Variants in AGBL4 observed in about 807,000 individuals in gnomAD.
AGBL4 encodes the protein AGBL carboxypeptidase 4.
A neutral mutation model predicts 66.4 loss-of-function variants in AGBL4; 58 were observed. That is an observed-to-expected ratio of 0.87 (90% CI 0.71 to 1.09). The LOEUF is 1.09. AGBL4 is among the 50% of genes least tolerant of loss of function. The pLI, the probability that AGBL4 is intolerant of heterozygous loss-of-function variation, is 0.00. For synonymous variants in AGBL4, 234 were observed against 222.9 expected, an observed-to-expected ratio of 1.05 and a Z score of -0.44; for missense variants, 579 against 631.0, an observed-to-expected ratio of 0.92 and a Z score of 0.88.
chr1:49,164,336 C>G (rs1646593565), intron 4 of AGBL4, among the ~76,000 whole-genome samples: 1 of 152,012 alleles, frequency 6.6e-6, no homozygotes, highest in African/African-American at 2.4e-5. Flanking sequence ...AGCATACCTC[C>G]CAAGTATTCA....
In AGBL4 at chr1:49,038,180, C is replaced by T. The variant is rs1279923211; in HGVS notation, c.594+7404G>A. 2.0e-5 allele frequency among the ~76,000 whole-genome samples: 3 copies of T among 152,062 alleles called. No homozygotes were observed. The East Asian group carries it at 5.8e-4, about 29-fold the overall frequency. ...CTGAATCCTCAGAGTCTAGATAATGCTAGTTACATGGTAGGTATTTAATAA... is the reference window on the plus strand; with the variant it reads ...CTGAATCCTCAGAGTCTAGATAATGTTAGTTACATGGTAGGTATTTAATAA... On this transcript the variant is annotated intron_variant, in intron 5 of 13. Coordinates refer to ENST00000371839, the MANE Select transcript of AGBL4 (RefSeq NM_032785.4).
chr1:48,888,419 C>T (rs1428427439), intron 5 of AGBL4, among the ~76,000 whole-genome samples: 1 of 152,140 alleles, frequency 6.6e-6, no homozygotes, highest in South Asian at 2.1e-4. Flanking sequence ...TCACCCACTT[C>T]CTCTGCGCCA....
At chr1:49,728,769 G>C (rs956418905) in intron 2 of AGBL4, among the ~76,000 whole-genome samples, 2 of 152,148 alleles carry the variant, frequency 1.3e-5, no homozygotes, top group Non-Finnish European at 2.9e-5. Context: ...AGGAATAACT[G>C]AGTTGCCAGC....
chr1:48,729,336 G>A (rs1647717768), intron 6 of AGBL4, among the ~76,000 whole-genome samples: 1 of 152,204 alleles, frequency 6.6e-6, no homozygotes, highest in Non-Finnish European at 1.5e-5. Context: ...AAATATTCTG[G>A]ATGGAAGAGG....
chr1:48,730,368 G>C (rs934161335), intron 6 of AGBL4, among the ~76,000 whole-genome samples: 3 of 152,138 alleles, frequency 2.0e-5, no homozygotes, highest in Non-Finnish European at 4.4e-5. Flanking sequence ...CAACCTCTAG[G>C]GGGGACTTCT....
chr1:49,619,706 C>T (rs1163641080), intron 3 of AGBL4, among the ~76,000 whole-genome samples: 1 of 152,080 alleles, frequency 6.6e-6, no homozygotes, highest in Non-Finnish European at 1.5e-5. Context: ...CATCACACTA[C>T]CTGACTTCAA....
chr1:48,648,659 C>T (rs1208443802), intron 8 of AGBL4, among the ~76,000 whole-genome samples: 1 of 152,200 alleles, frequency 6.6e-6, no homozygotes, highest in East Asian at 1.9e-4. Context: ...ACCTTCTCAG[C>T]CTCAGTTTCC....
chr1:49,492,969 A>G (rs2148747129), intron 3 of AGBL4, among the ~76,000 whole-genome samples: 1 of 152,100 alleles, frequency 6.6e-6, no homozygotes, highest in East Asian at 1.9e-4. Flanking sequence ...GGAAGCAAAC[A>G]TGTCCTTCTT....
intron 4 of AGBL4, among the ~76,000 whole-genome samples, chr1:49,102,905 G>C (rs1174150833): frequency 1.3e-5 from 2 of 152,162 alleles, no homozygotes; most frequent in African/African-American, 4.8e-5. Context: ...CTAAGATGCT[G>C]AAGGACAAAG....
chr1:49,321,423 T>C (rs770798800), intron 3 of AGBL4, among the ~76,000 whole-genome samples: 6 of 152,188 alleles, frequency 3.9e-5, no homozygotes, highest in Non-Finnish European at 8.8e-5. Context: ...AAAAGCATGA[T>C]AATGTTAAGT....
intron 1 of AGBL4, among the ~76,000 whole-genome samples, chr1:49,980,293 T>C (rs1471498116): frequency 1.3e-5 from 2 of 152,166 alleles, no homozygotes; most frequent in African/African-American, 4.8e-5. Context: ...TAATGATTTT[T>C]AAGTCTATGT....
chr1:49,494,448 C>T (rs1356046315), intron 3 of AGBL4, among the ~76,000 whole-genome samples: 2 of 151,978 alleles, frequency 1.3e-5, no homozygotes, highest in African/African-American at 4.8e-5. Context: ...ACAACGTCCC[C>T]AGAGTGTGAT....
chr1:49,041,523 C>T (rs970020888), intron 5 of AGBL4, among the ~76,000 whole-genome samples: 4 of 152,038 alleles, frequency 2.6e-5, no homozygotes, highest in African/African-American at 9.7e-5. Context: ...GTTAAACTGT[C>T]CATCAAAGGG....
intron 6 of AGBL4, among the ~76,000 whole-genome samples, chr1:48,698,227 A>G (rs1419660232): frequency 6.6e-6 from 1 of 152,196 alleles, no homozygotes; most frequent in Non-Finnish European, 1.5e-5. Context: ...AGTCCAAGAA[A>G]AGATCAGTGG....
At chr1:49,093,813 A>G (rs1645042673) in intron 4 of AGBL4, among the ~76,000 whole-genome samples, 1 of 152,200 alleles carries the variant, frequency 6.6e-6, no homozygotes. Flanking sequence ...TTCAATATAC[A>G]ATTTGCCTCT....
chr1:49,752,212 A>G (rs1651532275), intron 2 of AGBL4, among the ~76,000 whole-genome samples: 1 of 152,174 alleles, frequency 6.6e-6, no homozygotes, highest in South Asian at 2.1e-4. Context: ...GAGGGCATTT[A>G]GTGCTATAAA....
At chr1:49,971,906 G>GTTTTTTTTTTTTT (rs1658122896) in intron 1 of AGBL4, among the ~76,000 whole-genome samples, 1 of 43,442 alleles carries the variant, frequency 2.3e-5, no homozygotes, top group East Asian at 7.5e-4. Flanking sequence ...GGTTTTTTTG[G>GTTTTTTTTTTTTT]GTTTTTTTTT....
At chr1:48,571,952 G>C (rs564079107) in intron 11 of AGBL4, among the ~76,000 whole-genome samples, 1 of 152,306 alleles carries the variant, frequency 6.6e-6, no homozygotes, top group East Asian at 1.9e-4. Context: ...AGAAGTGACA[G>C]ACAGTGAACC....
chr1:48,631,514 C>T (rs1426247382), intron 9 of AGBL4, among the ~76,000 whole-genome samples: 1 of 152,170 alleles, frequency 6.6e-6, no homozygotes, highest in African/African-American at 2.4e-5. Flanking sequence ...CCTCAGCCTC[C>T]TGAGTAGCTG....
Sources: allele counts gnomAD v4.1 joint callset (sites outside exome capture counted in the v4.1 genomes callset), GRCh38; gene constraint gnomAD v4.1.1; transcripts MANE v1.5; gene names NCBI Gene and HGNC (gene_info 2026-07-23, HGNC 2026-07-21).